KCNN2: variants seen among roughly 807,000 people sequenced by gnomAD.
The protein encoded by KCNN2 is potassium calcium-activated channel subfamily N member 2.
Under a neutral mutation model 55.5 loss-of-function variants are expected in KCNN2, and 24 were observed. That is an observed-to-expected ratio of 0.43 (90% CI 0.31 to 0.61). KCNN2 has a LOEUF of 0.61. Among genes scored for constraint, KCNN2 ranks in the 20% least tolerant of loss-of-function variants. KCNN2 has a pLI of 0.08. For synonymous variants in KCNN2, 431 were observed against 336.1 expected (o/e 1.28, Z -3.09); for missense variants, 754 against 853.6 (o/e 0.88, Z 1.45).
chr5:114,361,800 C>G (rs941258559), upstream of KCNN2, among the ~76,000 whole-genome samples: 1 of 152,188 alleles, frequency 6.6e-6, no homozygotes, highest in Admixed American at 6.5e-5. Context: ...CGTGGGGGCT[C>G]TCCATCTCCA....
At chr5:114,387,440 C>G (rs529250880) in intron 2 of KCNN2, among the ~76,000 whole-genome samples, 2 of 152,232 alleles carry the variant, frequency 1.3e-5, no homozygotes, top group East Asian at 1.9e-4. Flanking sequence ...TTTGCTTAAC[C>G]TTGACTGTTA....
intron 1 of KCNN2, among the ~76,000 whole-genome samples, chr5:114,135,115 G>A (rs768862765): frequency 7.1e-5 from 6 of 84,108 alleles, no homozygotes; most frequent in African/African-American, 1.4e-4. Flanking sequence ...GTGTAGATCT[G>A]GGAGAGCTGA....
At chr5:114,364,037 G>A (rs1462376218) in intron 2 of KCNN2, 36 bp downstream of exon 2, 2 of 1,489,566 alleles carry the variant, frequency 1.3e-6, no homozygotes, top group Admixed American at 3.4e-5. Flanking sequence ...ATGACCCAAA[G>A]CCCTACAGTC....
At chr5:114,200,611 T>C (rs943933017) in intron 1 of KCNN2, among the ~76,000 whole-genome samples, 1 of 152,192 alleles carries the variant, frequency 6.6e-6, no homozygotes, top group Non-Finnish European at 1.5e-5. Context: ...TGTGAACTTA[T>C]GTTGATATTT....
chr5:114,116,674 A>T (rs991921287), intron 1 of KCNN2, among the ~76,000 whole-genome samples: 16 of 152,192 alleles, frequency 1.1e-4, no homozygotes, highest in African/African-American at 3.4e-4. Context: ...AGGGTAAAAC[A>T]ATATTTAGTA....
intron 3 of KCNN2, among the ~76,000 whole-genome samples, chr5:114,432,704 G>C (rs1047912271): frequency 2.0e-5 from 3 of 152,172 alleles, no homozygotes; most frequent in Non-Finnish European, 4.4e-5. Context: ...GCGGGAACCG[G>C]GGCTGTGCGC....
chr5:114,428,512 A>G (rs1759694649), intron 3 of KCNN2, among the ~76,000 whole-genome samples: 1 of 152,152 alleles, frequency 6.6e-6, no homozygotes, highest in African/African-American at 2.4e-5. Flanking sequence ...AAGTATGCAT[A>G]TTTATTATAA....
chr5:114,383,512 A>G (rs1396723810), intron 2 of KCNN2, among the ~76,000 whole-genome samples: 1 of 129,144 alleles, frequency 7.7e-6, no homozygotes, highest in Non-Finnish European at 1.6e-5. Context: ...TTTGTCACCC[A>G]GGCTGGAGTG....
intron 2 of KCNN2, among the ~76,000 whole-genome samples, chr5:114,277,412 G>T (rs1755514190): frequency 6.6e-6 from 1 of 152,128 alleles, no homozygotes; most frequent in African/African-American, 2.4e-5. Flanking sequence ...AGTTCTCTTG[G>T]ATAATATCCT....
At chr5:114,388,932 T>C (rs1199205559) in intron 2 of KCNN2, among the ~76,000 whole-genome samples, 2 of 152,202 alleles carry the variant, frequency 1.3e-5, no homozygotes, top group African/African-American at 4.8e-5. Flanking sequence ...AGAGTCTTTG[T>C]TGAGGTCAAC....
intron 2 of KCNN2, among the ~76,000 whole-genome samples, chr5:114,385,872 A>G (rs1758265435): frequency 6.6e-6 from 1 of 151,698 alleles, no homozygotes; most frequent in Admixed American, 6.6e-5. Flanking sequence ...GTAATTATAC[A>G]ACTGTTTCTT....
intron 1 of KCNN2, among the ~76,000 whole-genome samples, chr5:114,214,966 A>G (rs963885095): frequency 1.3e-5 from 2 of 152,128 alleles, no homozygotes; most frequent in East Asian, 1.9e-4. Context: ...AATGAGTAAT[A>G]TAGTCTGGTA....
intron 1 of KCNN2, among the ~76,000 whole-genome samples, chr5:114,091,687 T>C (rs774850791): frequency 1.3e-5 from 2 of 152,044 alleles, no homozygotes; most frequent in Non-Finnish European, 2.9e-5. Context: ...AAACTTATAA[T>C]CATAGTTGAA....
chr5:114,302,863 G>T (rs750768237), intron 2 of KCNN2, among the ~76,000 whole-genome samples: 5 of 152,212 alleles, frequency 3.3e-5, no homozygotes, highest in African/African-American at 1.2e-4. Context: ...GCATTTCAGG[G>T]CCATACTGGT....
chr5:114,303,710 G>A (rs895647230), intron 2 of KCNN2, among the ~76,000 whole-genome samples: 14 of 152,236 alleles, frequency 9.2e-5, no homozygotes, highest in African/African-American at 1.4e-4. Flanking sequence ...AAGTTGCAAT[G>A]CAAATAGTAG....
intron 1 of KCNN2, among the ~76,000 whole-genome samples, chr5:114,091,159 G>T (rs1221179648): frequency 6.6e-6 from 1 of 152,080 alleles, no homozygotes; most frequent in Non-Finnish European, 1.5e-5. Context: ...AGAGTTCCAG[G>T]AAGGCTGTTA....
intron 2 of KCNN2, among the ~76,000 whole-genome samples, chr5:114,292,507 T>C (rs1386140407): frequency 5.9e-5 from 9 of 152,194 alleles, no homozygotes; most frequent in Non-Finnish European, 1.2e-4. Context: ...GTTGTAGATA[T>C]GTGGCATTAT....
At chr5:114,190,072 G>T (rs1046075375) in intron 1 of KCNN2, among the ~76,000 whole-genome samples, 8 of 152,026 alleles carry the variant, frequency 5.3e-5, no homozygotes, top group African/African-American at 1.9e-4. Flanking sequence ...TTGATAATTT[G>T]GCTTCATCAA....
intron 2 of KCNN2, among the ~76,000 whole-genome samples, chr5:114,355,255 G>C (rs1387185840): frequency 2.6e-5 from 4 of 152,126 alleles, no homozygotes; most frequent in African/African-American, 4.8e-5. Context: ...CATAGTAATA[G>C]GGAGTTCATG....
Sources: allele counts gnomAD v4.1 joint callset (sites outside exome capture counted in the v4.1 genomes callset), GRCh38; gene constraint gnomAD v4.1.1; transcripts MANE v1.5; gene names NCBI Gene and HGNC (gene_info 2026-07-23, HGNC 2026-07-21).